BAZ1A: variants seen among roughly 807,000 people sequenced by gnomAD.
BAZ1A encodes bromodomain adjacent to zinc finger domain protein 1A.
BAZ1A carries 50 observed loss-of-function variants against 185.2 expected under a neutral mutation model. The ratio of observed to expected loss-of-function variants is 0.27; its 90% CI spans 0.22 to 0.34. The LOEUF is 0.34. BAZ1A is among the 10% of genes least tolerant of loss of function. The probability of loss-of-function intolerance (pLI) is 1.00; values close to 1 mark genes in which losing one functional copy is unlikely to be tolerated. For missense variants in BAZ1A, 1,356 were observed against 1,839.9 expected (o/e 0.74, Z 4.81); for synonymous variants, 571 against 615.6 (o/e 0.93, Z 1.07).
chr14:34,769,967 C>T (rs1007534099), intron 21 of BAZ1A, among the ~76,000 whole-genome samples: 2 of 152,096 alleles, frequency 1.3e-5, no homozygotes, highest in African/African-American at 4.8e-5. Flanking sequence ...ACAATTGCTA[C>T]TTTCAATGTG....
intron 16 of BAZ1A, among the ~76,000 whole-genome samples, chr14:34,782,717 G>T (rs1050624013): frequency 3.3e-5 from 5 of 152,108 alleles, no homozygotes; most frequent in South Asian, 2.1e-4. Context: ...CATTAAAAAG[G>T]AAAAAAGATG....
In BAZ1A at chr14:34,872,941, AC is replaced by A. The variant is rs2042976053; in HGVS notation, c.113+1550del. Among the ~76,000 whole-genome samples, 9 of 122,672 alleles carry A rather than the reference AC, an allele frequency of 7.3e-5. No individual in the cohort carries two copies. In the South Asian group the frequency reaches 1.1e-3, roughly 15 times the overall value. 80.5% of individuals were successfully genotyped at this position (122,672 alleles called of 152,430 possible). On this transcript the variant is annotated intron_variant, in intron 2 of 26. Transcript: ENST00000360310. ...AAAAAAAAAAAAAAAAAAAAAAAAA[AC>A]TTGTCCAATTACCTAATCCAAGTTC...
chr14:34,832,215 C>CACACACATATATATAT lies in BAZ1A; in HGVS notation c.393-6060_393-6059insATATATATATGTGTGT. ...ATACACACACACACACACACACACA[C>CACACACATATATATAT]ATATATATATATATATGTATGTATG... On this transcript the variant is annotated intron_variant, in intron 3 of 26. Coordinates refer to ENST00000360310, the MANE Select transcript of BAZ1A (RefSeq NM_013448.3). Among the ~76,000 whole-genome samples the CACACACATATATATAT allele has an allele frequency of 2.1e-3, 185 of 89,668 alleles. 2 individuals are homozygous for CACACACATATATATAT. Among genetic ancestry groups the CACACACATATATATAT allele is most frequent in the African/African-American group, 6.4e-3 (171 of 26,760 alleles). The allele number at this position is 89,668 out of a possible 152,430, so 58.8% of individuals were successfully genotyped here.
At chr14:34,805,391 A>C (rs1340321452) in intron 6 of BAZ1A, among the ~76,000 whole-genome samples, 1 of 152,196 alleles carries the variant, frequency 6.6e-6, no homozygotes, top group East Asian at 1.9e-4. Flanking sequence ...TTCCTTGGTG[A>C]AATATTTGCT....
chr14:34,785,803 C>T lies in BAZ1A; in HGVS notation c.1805G>A (p.Ser602Asn), dbSNP rs780600713. Residue 602 changes from serine to asparagine, a missense_variant, in exon 14 of 27, where the codon AGC (serine) becomes AAC (asparagine). By Grantham distance (46) the Ser-to-Asn change is conservative (BLOSUM62 1). Transcript: ENST00000360310. ...TGGTGTCAAATCATACACTGAGGTG[C>T]TTGACAGTTTCTTCACTAGACTGGG... ...SNPSLVKKLS[S>N]TSVYDLTPGE... The T allele has an allele frequency of 3.1e-6, 5 of 1,613,848 alleles. No homozygotes were observed. The Admixed American group carries it at 8.3e-5, about 27-fold the overall frequency.
chr14:34,760,437 G>A (rs2383675), intron 24 of BAZ1A, among the ~76,000 whole-genome samples: 42,230 of 150,534 alleles, frequency 0.28, 6,369 homozygotes, highest in Non-Finnish European at 0.36. Flanking sequence ...ATCCTGCTGC[G>A]TATCCGAATA....
At chr14:34,816,080 CTTT>C (rs35830800) in intron 4 of BAZ1A, among the ~76,000 whole-genome samples, 1 of 79,394 alleles carries the variant, frequency 1.3e-5, no homozygotes, top group African/African-American at 5.4e-5. Context: ...TATTCCAGAC[CTTT>C]TTTTTTTTTT....
In BAZ1A at chr14:34,829,267, G is replaced by GAA. The variant is rs60176426; in HGVS notation, c.393-3113_393-3112dup. Among the ~76,000 whole-genome samples, 831 of 86,430 alleles carry GAA rather than the reference G, an allele frequency of 9.6e-3. 25 individuals carry two copies. Among genetic ancestry groups the GAA allele is most frequent in the Non-Finnish European group, 0.013 (577 of 45,472 alleles). The allele number at this position is 86,430 out of a possible 152,430, so 56.7% of individuals were successfully genotyped here. On this transcript the variant is annotated intron_variant, in intron 3 of 26. Coordinates refer to ENST00000360310, the MANE Select transcript of BAZ1A (RefSeq NM_013448.3). ...GGCAACAGAGTGAGACTCTGTCTCT[G>GAA]AAAAAAAAAAAAAAAAAAAAAAAAG...
chr14:34,769,958 C>G (rs780839214), intron 21 of BAZ1A, among the ~76,000 whole-genome samples: 1 of 152,084 alleles, frequency 6.6e-6, no homozygotes, highest in African/African-American at 2.4e-5. Flanking sequence ...TTATTTCTTA[C>G]AATTGCTACT....
chr14:34,828,348 T>G (rs547808308), intron 3 of BAZ1A, among the ~76,000 whole-genome samples: 2 of 151,940 alleles, frequency 1.3e-5, no homozygotes, highest in African/African-American at 4.8e-5. Flanking sequence ...TGTGCTAATT[T>G]TCAATGCTAG....
At position 34,874,235 on chromosome 14, in the gene BAZ1A, G is replaced by T; in HGVS notation, c.113+257C>A. The T allele has an allele frequency of 7.3e-6, 3 of 409,518 alleles. No individual in the cohort carries two copies. Among genetic ancestry groups the T allele is most frequent in the Non-Finnish European group, 1.3e-5 (3 of 227,610 alleles). 25.4% of individuals were successfully genotyped at this position (409,518 alleles called of 1,614,324 possible). On this transcript the variant is annotated intron_variant, in intron 2 of 26. Transcript: ENST00000360310. The surrounding 1 kb of genome is among the most constrained non-coding windows in gnomAD (Gnocchi z 4.7). The stretch of plus-strand genomic sequence containing the variant: ...GGGAGGGCGACAGCAGCGGCTAGGA[G>T]CGGTCCCCGAGGCCGGCCAGGGACC...
Position 34,874,700 on chromosome 14 carries a change from G to A in BAZ1A, c.-58-38C>T. 1 of 1,068,012 alleles carries A rather than the reference G, an allele frequency of 9.4e-7. No individual in the cohort carries two copies. Among genetic ancestry groups the A allele is most frequent in the Non-Finnish European group, 1.3e-6 (1 of 752,932 alleles). 66.2% of individuals were successfully genotyped at this position (1,068,012 alleles called of 1,614,324 possible). ...GAGGGAAAGGAAAGCCGGTAAGGTGGGGAGCCCTCGGCGGCAGCGTGGGCC... is the reference window on the plus strand; with the variant it reads ...GAGGGAAAGGAAAGCCGGTAAGGTGAGGAGCCCTCGGCGGCAGCGTGGGCC... On this transcript the variant is annotated intron_variant, in intron 1 of 26. Coordinates refer to ENST00000360310, the MANE Select transcript of BAZ1A (RefSeq NM_013448.3). This position sits in a 1 kb window ranked among gnomAD's most constrained non-coding sequence, Gnocchi z 4.7.
chr14:34,867,231 C>G (rs1305896855), intron 2 of BAZ1A, among the ~76,000 whole-genome samples: 1 of 151,902 alleles, frequency 6.6e-6, no homozygotes, highest in Non-Finnish European at 1.5e-5. Flanking sequence ...TGCACTCCAG[C>G]CAGGGCAACA....
At chr14:34,825,057 A>C (rs754782387) in intron 4 of BAZ1A, among the ~76,000 whole-genome samples, 19 of 152,230 alleles carry the variant, frequency 1.2e-4, no homozygotes, top group Non-Finnish European at 1.8e-4. Flanking sequence ...CACCCAGCTG[A>C]CACAGACCAT....
chr14:34,805,536 T>C (rs1881808564), intron 6 of BAZ1A, among the ~76,000 whole-genome samples: 10 of 152,240 alleles, frequency 6.6e-5, no homozygotes, highest in Admixed American at 5.2e-4. Context: ...ATCGATTGCC[T>C]ACCACGTGTC....
chr14:34,782,910 T>C (rs2138605642), intron 16 of BAZ1A, among the ~76,000 whole-genome samples: 1 of 152,338 alleles, frequency 6.6e-6, no homozygotes, highest in Middle Eastern at 3.4e-3. Flanking sequence ...CTCTGTGAAA[T>C]ACAGTGTACA....
At chr14:34,817,837 T>C (rs2042030140) in intron 4 of BAZ1A, among the ~76,000 whole-genome samples, 1 of 152,196 alleles carries the variant, frequency 6.6e-6, no homozygotes, top group Non-Finnish European at 1.5e-5. Flanking sequence ...AACCAGAGTA[T>C]AACAACTGAT....
chr14:34,865,810 G>A (rs1230659542), intron 2 of BAZ1A, among the ~76,000 whole-genome samples: 1 of 152,158 alleles, frequency 6.6e-6, no homozygotes, highest in Non-Finnish European at 1.5e-5. Flanking sequence ...TAAGAATTCA[G>A]AGAAAGGGAA....
chr14:34,828,174 TC>T (rs2042189670), intron 3 of BAZ1A, among the ~76,000 whole-genome samples: 2 of 151,188 alleles, frequency 1.3e-5, no homozygotes, highest in African/African-American at 4.9e-5. Context: ...ATGCCTGTAA[TC>T]CCAGCTACTC....
Sources: gnomAD v4.1 joint callset for allele counts (sites outside exome capture counted in the v4.1 genomes callset) on GRCh38, gnomAD v4.1.1 for gene constraint, Gnocchi (gnomAD v3.1) non-coding constraint, MANE v1.5 for transcripts, NCBI Gene and HGNC (gene_info 2026-07-23, HGNC 2026-07-21) for gene names.